The following ITSN1 variants were observed in gnomAD, a reference collection of about 807,000 sequenced individuals.
The protein encoded by ITSN1 is intersectin 1.
Under a neutral mutation model 239.8 loss-of-function variants are expected in ITSN1, and 58 were observed. That is an observed-to-expected ratio of 0.24 (90% CI 0.20 to 0.30). ITSN1 has a LOEUF of 0.30. Among genes scored for constraint, ITSN1 ranks in the 10% least tolerant of loss-of-function variants. The probability of loss-of-function intolerance (pLI) is 1.00; values close to 1 mark genes in which losing one functional copy is unlikely to be tolerated. For synonymous variants in ITSN1, 780 were observed against 770.8 expected, an observed-to-expected ratio of 1.01 and a Z score of -0.20; for missense variants, 1,558 against 2,103.3, an observed-to-expected ratio of 0.74 and a Z score of 5.07.
intron 25 of ITSN1, among the ~76,000 whole-genome samples, chr21:33,824,233 T>C (rs563907027): frequency 2.8e-4 from 42 of 152,174 alleles, no homozygotes; most frequent in Non-Finnish European, 6.0e-4. Flanking sequence ...GTGCTCTCAC[T>C]GTTGTTAAAT....
In ITSN1 at chr21:33,750,256, G is replaced by T. The variant is rs1428416450; in HGVS notation, c.460G>T (p.Ala154Ser). ...CCTAGTATCTTCTGTTCCCACAGCAGCTGTGCCCCCCCTGGCTAACGGGGC... is the reference window on the plus strand; with the variant it reads ...CCTAGTATCTTCTGTTCCCACAGCATCTGTGCCCCCCCTGGCTAACGGGGC... ...PTLVSSVPTAAVPPLANGAPP... is the reference protein window; with the variant it reads ...PTLVSSVPTASVPPLANGAPP... The change falls in exon 6 of 40, where the codon GCT becomes TCT. Residue 154 changes from alanine (A) to serine (S), a missense_variant. Physicochemically the swap from Ala to Ser is moderately conservative, Grantham distance 99. Coordinates refer to ENST00000381318, the MANE Select transcript of ITSN1 (RefSeq NM_003024.3). 1 of 1,614,004 alleles carries T rather than the reference G, an allele frequency of 6.2e-7. No individual in the cohort carries two copies. The highest frequency in any genetic ancestry group is 8.5e-7 in the Non-Finnish European group (1 of 1,180,034).
chr21:33,853,095 T>C (rs914970006), intron 29 of ITSN1, among the ~76,000 whole-genome samples: 6 of 152,234 alleles, frequency 3.9e-5, no homozygotes, highest in Non-Finnish European at 7.3e-5. Flanking sequence ...CATGGGTCAA[T>C]TTGATGGCTA....
chr21:33,676,987 C>T lies in ITSN1; in HGVS notation c.-33+34274C>T, dbSNP rs535294033. Among the ~76,000 whole-genome samples the T allele has an allele frequency of 3.4e-5, 5 of 146,600 alleles. No homozygotes were observed. In the East Asian group the frequency reaches 1.0e-3, roughly 29 times the overall value. ...CACTTGGACACAGGGTGGGGAACAT[C>T]ACACACCGGGACCTGTCGTGAGGTG... On this transcript the variant is annotated intron_variant, in intron 1 of 39. Coordinates refer to ENST00000381318, the MANE Select transcript of ITSN1 (RefSeq NM_003024.3).
chr21:33,786,533 C>T (rs1270884141), intron 16 of ITSN1, among the ~76,000 whole-genome samples: 2 of 152,166 alleles, frequency 1.3e-5, no homozygotes, highest in African/African-American at 4.8e-5. Flanking sequence ...TAGCACCTGA[C>T]TTTACCTTGA....
chr21:33,855,273 CAG>C lies in ITSN1; in HGVS notation c.3662-1460_3662-1459del, dbSNP rs539164031. 8.9e-4 allele frequency among the ~76,000 whole-genome samples: 136 copies of C among 152,320 alleles called. 1 individual carries two copies. The highest frequency in any genetic ancestry group is 2.5e-3 in the African/African-American group (106 of 41,586). ...ATCACAGATACCCAGCCCCCAACTC[CAG>C]AGTCACTTCAGCCGGGGCATCTCTA... On this transcript the variant is annotated intron_variant, in intron 29 of 39. Transcript: ENST00000381318.
At chr21:33,686,770 C>G (rs2091262100) in intron 1 of ITSN1, among the ~76,000 whole-genome samples, 1 of 152,144 alleles carries the variant, frequency 6.6e-6, no homozygotes, top group African/African-American at 2.4e-5. Context: ...AAAATGAGGT[C>G]CTGCATGTTA....
intron 1 of ITSN1, among the ~76,000 whole-genome samples, chr21:33,664,672 A>C (rs987728465): frequency 2.6e-5 from 4 of 152,220 alleles, no homozygotes; most frequent in African/African-American, 9.6e-5. Context: ...TTCCTGTCTC[A>C]TAAGATTGTT....
chr21:33,810,916 G>A, intron 20 of ITSN1, 59 bp from the exon 21 acceptor site: 1 of 1,605,278 alleles, frequency 6.2e-7, no homozygotes, highest in East Asian at 2.2e-5. Context: ...CTGTAGTTGG[G>A]TGCTGGGTCT....
intron 1 of ITSN1, among the ~76,000 whole-genome samples, chr21:33,647,828 TATTAGAC>T (rs1601409495): frequency 6.6e-6 from 1 of 152,346 alleles, no homozygotes; most frequent in East Asian, 1.9e-4. Context: ...AATTTATTTT[TATTAGAC>T]ATTAGTTTGT....
chr21:33,874,639 A>ATT (rs1286475450), intron 33 of ITSN1, among the ~76,000 whole-genome samples: 1 of 130,850 alleles, frequency 7.6e-6, no homozygotes, highest in Non-Finnish European at 1.6e-5. Flanking sequence ...CAGGGTGAAT[A>ATT]TTTTCTTTTT....
chr21:33,732,744 C>A (rs1033190965), intron 4 of ITSN1, among the ~76,000 whole-genome samples: 2 of 151,996 alleles, frequency 1.3e-5, no homozygotes, highest in Non-Finnish European at 2.9e-5. Flanking sequence ...TAGCTAAATA[C>A]AGCCTAAATA....
In ITSN1 at chr21:33,648,344, G is replaced by C. The variant is rs1048505892; in HGVS notation, c.-33+5631G>C. Among the ~76,000 whole-genome samples, 47 of 152,330 alleles carry C rather than the reference G, an allele frequency of 3.1e-4. No individual in the cohort carries two copies. The East Asian group carries it at 5.0e-3, about 16-fold the overall frequency. On this transcript the variant is annotated intron_variant, in intron 1 of 39. Coordinates refer to ENST00000381318, the MANE Select transcript of ITSN1 (RefSeq NM_003024.3). ...TAGGGTACCAGCAATTAGAGAGCCA[G>C]CAAGTGTCTGAGCAGATTTTTACTG...
At position 33,772,092 on chromosome 21, in the gene ITSN1, T is replaced by C; in HGVS notation, c.1074T>C (p.Phe358=). 6.2e-7 allele frequency: 1 copy of C among 1,614,244 alleles called. No homozygotes were observed. The highest frequency in any genetic ancestry group is 8.5e-7 in the Non-Finnish European group (1 of 1,180,048). The part of the protein sequence containing the change: ...VTFEDKKREN[F]ERGNLELEKR... Reference sequence around the variant, plus strand: ...TTGAAGATAAGAAGCGGGAGAACTTTGAACGTGGCAACCTGGAACTGGAGA... The same window carrying C: ...TTGAAGATAAGAAGCGGGAGAACTTCGAACGTGGCAACCTGGAACTGGAGA... Residue 358 remains phenylalanine (F), a synonymous_variant, in exon 12 of 40, where the codon TTT becomes TTC. Transcript: ENST00000381318.
chr21:33,828,898 G>A, intron 26 of ITSN1: 1 of 468,098 alleles, frequency 2.1e-6, no homozygotes, highest in Non-Finnish European at 4.4e-6. Context: ...TTCAGGAAAA[G>A]TACAGAACTG....
chr21:33,725,485 A>AGGGAG (rs2065776196), intron 4 of ITSN1, among the ~76,000 whole-genome samples: 5 of 152,086 alleles, frequency 3.3e-5, no homozygotes, highest in Non-Finnish European at 5.9e-5. Context: ...CTGTAGTCTT[A>AGGGAG]GCTGCTAGGG....
intron 29 of ITSN1, among the ~76,000 whole-genome samples, chr21:33,852,733 G>C (rs1457948946): frequency 1.3e-5 from 2 of 152,122 alleles, no homozygotes; most frequent in Non-Finnish European, 2.9e-5. Context: ...TTTCAGCTGT[G>C]TGTGGATTTC....
chr21:33,705,110 C>CA (rs1174530558), intron 1 of ITSN1, among the ~76,000 whole-genome samples: 2,032 of 69,388 alleles, frequency 0.029, 70 homozygotes, highest in African/African-American at 0.066. Context: ...GACTCCGTCT[C>CA]AAAAAAAAAA....
chr21:33,704,648 C>T (rs908400248), intron 1 of ITSN1, among the ~76,000 whole-genome samples: 2 of 152,120 alleles, frequency 1.3e-5, no homozygotes, highest in African/African-American at 4.8e-5. Flanking sequence ...TTATTATAAG[C>T]TATTACTATT....
In ITSN1 at chr21:33,710,489, C is replaced by A. The variant is rs562597280; in HGVS notation, c.-32-8308C>A. Among the ~76,000 whole-genome samples the A allele has an allele frequency of 3.9e-5, 6 of 152,156 alleles. No homozygotes were observed. In the East Asian group the frequency reaches 1.2e-3, roughly 29 times the overall value. ...CTGCTAATATAGTATATTACATTTT[C>A]TGAATGGTTTAATCTTGCCATTTCT... On this transcript the variant is annotated intron_variant, in intron 1 of 39. Transcript: ENST00000381318.
Sources: gnomAD v4.1 joint callset for allele counts (sites outside exome capture counted in the v4.1 genomes callset) on GRCh38, gnomAD v4.1.1 for gene constraint, MANE v1.5 for transcripts, NCBI Gene and HGNC (gene_info 2026-07-23, HGNC 2026-07-21) for gene names.